Variants in CREM observed in about 807,000 individuals in gnomAD.
CREM encodes the protein cAMP-responsive element modulator.
CREM carries 13 observed loss-of-function variants against 37.3 expected under a neutral mutation model. The observed-to-expected ratio is 0.35, with a 90% confidence interval of 0.23 to 0.55. The LOEUF (loss-of-function observed/expected upper bound fraction) is 0.55. Ranked by LOEUF, CREM falls within the 20% of genes least tolerant of loss-of-function variation. CREM has a pLI of 0.88. For missense variants in CREM, 296 were observed against 362.3 expected (o/e 0.82, Z 1.49); for synonymous variants, 124 against 120.2 (o/e 1.03, Z -0.21).
At chr10:35,143,274 A>G (rs2091681355) in intron 2 of CREM, among the ~76,000 whole-genome samples, 1 of 152,074 alleles carries the variant, frequency 6.6e-6, no homozygotes, top group Admixed American at 6.6e-5. Context: ...GGGCTGGGAA[A>G]CAGTAATTAA....
intron 3 of CREM, chr10:35,167,426 C>T (rs1217131683): frequency 1.5e-5 from 5 of 338,420 alleles, no homozygotes; most frequent in Non-Finnish European, 2.7e-5. Context: ...GAGCAGTCTG[C>T]TATATTGTGA....
intron 3 of CREM, among the ~76,000 whole-genome samples, chr10:35,164,095 G>T (rs1367184657): frequency 1.3e-5 from 2 of 151,842 alleles, no homozygotes; most frequent in Non-Finnish European, 2.9e-5. Context: ...TTTAATACTA[G>T]ATTAAAGTTG....
chr10:35,190,174 A>G (rs2094848941), intron 6 of CREM, among the ~76,000 whole-genome samples: 1 of 152,214 alleles, frequency 6.6e-6, no homozygotes, highest in African/African-American at 2.4e-5. Flanking sequence ...AATGTTTTAC[A>G]CAATATGCAC....
intron 3 of CREM, among the ~76,000 whole-genome samples, chr10:35,162,013 G>A (rs940133656): frequency 2.0e-5 from 3 of 152,158 alleles, no homozygotes; most frequent in Non-Finnish European, 4.4e-5. Context: ...GCCAAGATAC[G>A]GAATCAGCCT....
chr10:35,184,250 TTAAA>T (rs1206656163), intron 5 of CREM, among the ~76,000 whole-genome samples: 8 of 152,338 alleles, frequency 5.3e-5, no homozygotes, highest in East Asian at 3.9e-4. Context: ...ACCCCATCTC[TTAAA>T]TAAATAGCTA....
In CREM at chr10:35,211,571, T is replaced by C; in HGVS notation, c.*173T>C. 2 of 1,540,492 alleles carry C rather than the reference T, an allele frequency of 1.3e-6. No individual in the cohort carries two copies. Among genetic ancestry groups the C allele is most frequent in the South Asian group, 2.5e-5 (2 of 80,426 alleles). ...TCCAGGATGTGGAATGCAGCCGTGATCACACTTACCGAGCTTACTTTGATC... is the reference window on the plus strand; with the variant it reads ...TCCAGGATGTGGAATGCAGCCGTGACCACACTTACCGAGCTTACTTTGATC... On this transcript the variant is annotated 3_prime_UTR_variant, in exon 8 of 8. Transcript: ENST00000685392.
Position 35,179,265 on chromosome 10 carries a change from C to A in CREM, c.398C>A (p.Thr133Lys), listed in dbSNP as rs367989798. Residue 133 changes from threonine to lysine, a missense_variant, in exon 5 of 8, where the codon ACG becomes AAG. Coordinates refer to ENST00000685392, the MANE Select transcript of CREM (RefSeq NM_183011.2). Reference sequence around the variant, plus strand: ...CCAACTAGCATATATCAGACTAGCACGGGGCAATACAGTATGTATGCTGCA... The same window carrying A: ...CCAACTAGCATATATCAGACTAGCAAGGGGCAATACAGTATGTATGCTGCA... ...AVPTSIYQTS[T>K]GQYIAIAQGG... 5.7e-5 allele frequency: 92 copies of A among 1,614,012 alleles called. 3 individuals carry two copies. The South Asian group carries it at 8.6e-4, about 15-fold the overall frequency.
intron 3 of CREM, among the ~76,000 whole-genome samples, chr10:35,157,582 G>A (rs1007714404): frequency 1.4e-5 from 2 of 147,066 alleles, no homozygotes; most frequent in African/African-American, 5.1e-5. Context: ...GTTGCAATGA[G>A]CCAAGATCAT....
chr10:35,146,610 G>C (rs1413935347), intron 2 of CREM, among the ~76,000 whole-genome samples: 1 of 152,166 alleles, frequency 6.6e-6, no homozygotes, highest in Non-Finnish European at 1.5e-5. Context: ...TAGAATTGGA[G>C]AGGCCACTCT....
At chr10:35,181,317 A>G (rs972358303) in intron 5 of CREM, among the ~76,000 whole-genome samples, 2 of 152,198 alleles carry the variant, frequency 1.3e-5, no homozygotes, top group Admixed American at 6.6e-5. Flanking sequence ...TGTGAAGACA[A>G]AGGAGATAAT....
At chr10:35,131,340 T>G (rs2089338673) in intron 1 of CREM, among the ~76,000 whole-genome samples, 1 of 152,226 alleles carries the variant, frequency 6.6e-6, no homozygotes, top group Non-Finnish European at 1.5e-5. Flanking sequence ...AAGGTTTTTT[T>G]TTGTGTGTTT....
chr10:35,140,427 A>G (rs2091262569), intron 2 of CREM, among the ~76,000 whole-genome samples: 2 of 152,110 alleles, frequency 1.3e-5, no homozygotes, highest in South Asian at 4.1e-4. Context: ...CATGCTACCT[A>G]TTATGTTCCC....
At chr10:35,176,824 A>G (rs571408206) in intron 3 of CREM, among the ~76,000 whole-genome samples, 1 of 152,148 alleles carries the variant, frequency 6.6e-6, no homozygotes, top group South Asian at 2.1e-4. Context: ...TCTTGGTAAG[A>G]TGATATTATT....
At chr10:35,209,291 A>G in intron 7 of CREM, 1 of 985,270 alleles carries the variant, frequency 1.0e-6, no homozygotes, top group Non-Finnish European at 1.2e-6. Context: ...CAATCCAGCA[A>G]CAGTTTTTAT....
intron 3 of CREM, among the ~76,000 whole-genome samples, chr10:35,169,073 C>T (rs2093682433): frequency 6.6e-6 from 1 of 152,120 alleles, no homozygotes; most frequent in African/African-American, 2.4e-5. Flanking sequence ...ATTATCTTGG[C>T]AATGTGGGCT....
At chr10:35,147,769 G>A (rs2092284195) in intron 2 of CREM, among the ~76,000 whole-genome samples, 1 of 152,152 alleles carries the variant, frequency 6.6e-6, no homozygotes, top group African/African-American at 2.4e-5. Flanking sequence ...TAATGATCAG[G>A]AAGACTTTAT....
At chr10:35,156,008 C>T (rs568188321) in intron 3 of CREM, among the ~76,000 whole-genome samples, 37 of 148,438 alleles carry the variant, frequency 2.5e-4, no homozygotes, top group African/African-American at 8.5e-4. Context: ...GGCGCGATCT[C>T]GGCTCACTGC....
intron 6 of CREM, among the ~76,000 whole-genome samples, chr10:35,191,105 T>TATTTATTTATTTATTTATTTATTTATTA (rs1564936798): frequency 4.0e-5 from 6 of 151,574 alleles, no homozygotes; most frequent in African/African-American, 1.4e-4. Context: ...TTTATTTATT[T>TATTTATTTATTTATTTATTTATTTATTA]ATTATACTTT....
chr10:35,187,207 TA>T lies in CREM; in HGVS notation c.410-992del, dbSNP rs543383700. ...TATAAATATATTAATATATAATATA[TA>T]TTATATATTTATATATATAAAATAT... On this transcript the variant is annotated intron_variant, in intron 5 of 7. Transcript: ENST00000685392. Among the ~76,000 whole-genome samples the T allele has an allele frequency of 4.1e-3, 300 of 73,836 alleles. 1 individual carries two copies. The highest frequency in any genetic ancestry group is 0.017 in the East Asian group (42 of 2,514). The allele number at this position is 73,836 out of a possible 152,430, so 48.4% of individuals were successfully genotyped here.
Sources: allele counts gnomAD v4.1 joint callset (sites outside exome capture counted in the v4.1 genomes callset), GRCh38; gene constraint gnomAD v4.1.1; transcripts MANE v1.5; gene names NCBI Gene and HGNC (gene_info 2026-07-23, HGNC 2026-07-21).